The following GPBP1 variants were observed in gnomAD, a reference collection of about 807,000 sequenced individuals.
The protein encoded by GPBP1 is GC-rich promoter binding protein 1.
Under a neutral mutation model 56.5 loss-of-function variants are expected in GPBP1, and 13 were observed. The observed-to-expected ratio is 0.23, with a 90% CI of 0.15 to 0.37. GPBP1 has a LOEUF of 0.37. GPBP1 is among the 10% of genes least tolerant of loss of function. GPBP1 has a pLI of 1.00. For missense variants in GPBP1, 477 were observed against 572.3 expected, an observed-to-expected ratio of 0.83 and a Z score of 1.70; for synonymous variants, 204 against 188.9, an observed-to-expected ratio of 1.08 and a Z score of -0.66.
intron 6 of GPBP1, among the ~76,000 whole-genome samples, chr5:57,240,010 C>G (rs1740747888): frequency 6.6e-6 from 1 of 152,086 alleles, no homozygotes; most frequent in Non-Finnish European, 1.5e-5. Flanking sequence ...CCTGTAATCC[C>G]AGCATTTTTG....
intron 5 of GPBP1, among the ~76,000 whole-genome samples, chr5:57,232,742 A>G (rs1385082082): frequency 6.6e-6 from 1 of 152,224 alleles, no homozygotes; most frequent in African/African-American, 2.4e-5. Context: ...TGTTCGGTGT[A>G]CTCTCATGGC....
At chr5:57,251,167 T>C (rs527284049) in intron 10 of GPBP1, 26 bp downstream of exon 10, 2 of 1,542,850 alleles carry the variant, frequency 1.3e-6, no homozygotes, top group African/African-American at 2.8e-5. Context: ...TACTTTTTGC[T>C]CAGCATTTTC....
In GPBP1 at chr5:57,206,627, G is replaced by A. The variant is rs1307644640; in HGVS notation, c.-57-7447G>A. On this transcript the variant is annotated intron_variant, in intron 2 of 11. Coordinates refer to ENST00000506184, the MANE Select transcript of GPBP1 (RefSeq NM_022913.4). ...GACCTCAAGCGATCCACCTGCCTTG[G>A]CCTCCCAAAGTGCTGGAATTACAGG... Among the ~76,000 whole-genome samples the A allele has an allele frequency of 2.0e-5, 3 of 152,114 alleles. No homozygotes were observed. In the East Asian group the frequency reaches 5.8e-4, roughly 29 times the overall value.
At chr5:57,250,635 T>C (rs1741339592) in intron 9 of GPBP1, among the ~76,000 whole-genome samples, 1 of 150,476 alleles carries the variant, frequency 6.6e-6, no homozygotes, top group African/African-American at 2.4e-5. Context: ...CTCCACCTCC[T>C]AGGTTCAAGC....
At chr5:57,199,490 C>T (rs1754904736) in intron 2 of GPBP1, among the ~76,000 whole-genome samples, 1 of 152,030 alleles carries the variant, frequency 6.6e-6, no homozygotes, top group Admixed American at 6.6e-5. Flanking sequence ...AAAGGTGACA[C>T]TTCTCCTTCC....
intron 2 of GPBP1, among the ~76,000 whole-genome samples, chr5:57,205,787 A>G (rs566166127): frequency 1.3e-3 from 202 of 152,102 alleles, no homozygotes; most frequent in African/African-American, 4.6e-3. Context: ...TTTTTGAGAC[A>G]GGATCTTGTT....
chr5:57,247,154 A>C lies in GPBP1; in HGVS notation c.743A>C (p.Asn248Thr). ...FPHESTFGVG[N>T]FNAFKSTAKN... ...CATGAGTCCACATTTGGCGTTGGCA[A>C]CTTTAATGCTTTTAAATCAACTGCC... Residue 248 changes from asparagine (N) to threonine (T), a missense_variant, in exon 8 of 12, where the codon AAC becomes ACC. Around this residue, in one of 2 missense-constraint regions of GPBP1, gnomAD observed 414 missense variants for 458.2 expected, o/e 0.90. Transcript: ENST00000506184. 6.2e-7 allele frequency: 1 copy of C among 1,613,836 alleles called. No homozygotes were observed. Among genetic ancestry groups the C allele is most frequent in the Non-Finnish European group, 8.5e-7 (1 of 1,179,838 alleles).
At chr5:57,241,742 CACTT>C (rs1740845822) in intron 6 of GPBP1, among the ~76,000 whole-genome samples, 2 of 152,144 alleles carry the variant, frequency 1.3e-5, no homozygotes, top group South Asian at 2.1e-4. Context: ...AGAAGATAGT[CACTT>C]ACTTTCTCAT....
chr5:57,177,051 C>T (rs1321070712), intron 2 of GPBP1, among the ~76,000 whole-genome samples: 2 of 152,100 alleles, frequency 1.3e-5, no homozygotes, highest in Non-Finnish European at 2.9e-5. Context: ...ATTACCAGGA[C>T]CAGAAGCTCA....
rs143936211 is a variant in GPBP1, at chr5:57,262,644, C to A, written c.1314C>A (p.Ile438=). The change falls in exon 12 of 12, where the codon ATC becomes ATA. Residue 438 remains isoleucine, a synonymous_variant. Coordinates refer to ENST00000506184, the MANE Select transcript of GPBP1 (RefSeq NM_022913.4). ...ATGGTATTTTGAAAAATGGCTTGAT[C>A]TGTGACTTCAAGTTTGGACCGTGGA... ...RKNGILKNGL[I]CDFKFGPWKN... 6.8e-6 allele frequency: 11 copies of A among 1,613,466 alleles called. No homozygotes were observed. Among genetic ancestry groups the A allele is most frequent in the Non-Finnish European group, 9.3e-6 (11 of 1,179,626 alleles).
intron 2 of GPBP1, among the ~76,000 whole-genome samples, chr5:57,186,133 A>T (rs1408296203): frequency 3.9e-5 from 6 of 152,130 alleles, no homozygotes; most frequent in African/African-American, 1.4e-4. Context: ...CTGGTGGCTC[A>T]TGCCTTTAAT....
At chr5:57,202,186 T>C (rs924796411) in intron 2 of GPBP1, among the ~76,000 whole-genome samples, 1 of 152,114 alleles carries the variant, frequency 6.6e-6, no homozygotes, top group South Asian at 2.1e-4. Flanking sequence ...GGTTTCACCA[T>C]GTTGACCAGG....
chr5:57,262,573 A>G lies in GPBP1; in HGVS notation c.1264-21A>G, dbSNP rs777901982. ...GTAACTCTTGAGGGATAATTTATTT[A>G]TTTTGCTGTTAACATTTTAGTTACA... On this transcript the variant is annotated intron_variant, in intron 11 of 11. Transcript: ENST00000506184. 8 of 1,558,236 alleles carry G rather than the reference A, an allele frequency of 5.1e-6. No homozygotes were observed. In the South Asian group the frequency reaches 7.8e-5, roughly 15 times the overall value.
At chr5:57,224,119 C>G (rs1034378031) in intron 3 of GPBP1, among the ~76,000 whole-genome samples, 2 of 151,944 alleles carry the variant, frequency 1.3e-5, no homozygotes, top group African/African-American at 4.8e-5. Context: ...AGGCATGAGC[C>G]ACCGCGCCCG....
intron 6 of GPBP1, 163 bp from the exon 7 acceptor site, chr5:57,246,129 CTTGTTCAA>C (rs1741075990): frequency 6.0e-6 from 3 of 497,846 alleles, no homozygotes; most frequent in Admixed American, 3.4e-5. Context: ...TTTAGCTTTA[CTTGTTCAA>C]TTGGAATATA....
intron 3 of GPBP1, among the ~76,000 whole-genome samples, chr5:57,226,383 G>A (rs1407147932): frequency 6.6e-6 from 1 of 152,026 alleles, no homozygotes; most frequent in Admixed American, 6.6e-5. Context: ...TTAATTAAAT[G>A]CTGTATAAGA....
At chr5:57,240,209 C>T (rs917209339) in intron 6 of GPBP1, among the ~76,000 whole-genome samples, 1 of 152,152 alleles carries the variant, frequency 6.6e-6, no homozygotes, top group Non-Finnish European at 1.5e-5. Flanking sequence ...TACGATTGTG[C>T]CGCTGCACTC....
intron 6 of GPBP1, chr5:57,237,438 TG>T (rs1254417887): frequency 8.8e-5 from 35 of 399,788 alleles, no homozygotes. Context: ...GAGAGTAAAA[TG>T]TATTAATATG....
rs146862953 is a variant in GPBP1, at chr5:57,264,210, G to A, written c.*1458G>A. 39 of 152,074 alleles carry A rather than the reference G, an allele frequency of 2.6e-4. 1 individual carries two copies. Among genetic ancestry groups the A allele is most frequent in the African/African-American group, 8.9e-4 (37 of 41,520 alleles). 9.4% of individuals were successfully genotyped at this position (152,074 alleles called of 1,614,324 possible). The stretch of plus-strand genomic sequence containing the variant: ...CAAAACTTGAGGAAGAGTTAGAATG[G>A]TAATAAAATATTAAATAGACCTTAT... On this transcript the variant is annotated 3_prime_UTR_variant, in exon 12 of 12. Coordinates refer to ENST00000506184, the MANE Select transcript of GPBP1 (RefSeq NM_022913.4).
Sources: allele counts gnomAD v4.1 joint callset (sites outside exome capture counted in the v4.1 genomes callset), GRCh38; gene constraint gnomAD v4.1.1; regional missense constraint gnomAD v4.1.1; transcripts MANE v1.5; gene names NCBI Gene and HGNC (gene_info 2026-07-23, HGNC 2026-07-21).